The following CTNND2 variants were observed in gnomAD, a reference collection of about 807,000 sequenced individuals.
The protein encoded by CTNND2 is catenin delta-2.
A neutral mutation model predicts 144.4 loss-of-function variants in CTNND2; 22 were observed. The ratio of observed to expected loss-of-function variants is 0.15; its 90% confidence interval spans 0.11 to 0.22. The LOEUF (loss-of-function observed/expected upper bound fraction) is 0.22. Ranked by LOEUF, CTNND2 falls within the 10% of genes least tolerant of loss-of-function variation. The pLI, the probability that CTNND2 is intolerant of heterozygous loss-of-function variation, is 1.00. For missense variants in CTNND2, 1,353 were observed against 1,618.8 expected (o/e 0.84, Z 2.82); for synonymous variants, 751 against 695.6 (o/e 1.08, Z -1.25).
chr5:11,574,564 T>C (rs1216464616), intron 2 of CTNND2, among the ~76,000 whole-genome samples: 1 of 152,216 alleles, frequency 6.6e-6, no homozygotes, highest in Non-Finnish European at 1.5e-5. Context: ...CACTCTCTTT[T>C]ATTTTAGTTT....
chr5:11,677,851 T>C (rs551640453), intron 2 of CTNND2, among the ~76,000 whole-genome samples: 5 of 152,140 alleles, frequency 3.3e-5, no homozygotes, highest in Non-Finnish European at 5.9e-5. Flanking sequence ...GGTCCAGAAT[T>C]TGTGGCAAAG....
chr5:11,766,835 C>T (rs770891543), intron 1 of CTNND2, among the ~76,000 whole-genome samples: 20 of 152,146 alleles, frequency 1.3e-4, no homozygotes, highest in Non-Finnish European at 2.2e-4. Flanking sequence ...CATAAAATTT[C>T]AAACCTACCT....
intron 12 of CTNND2, among the ~76,000 whole-genome samples, chr5:11,129,886 T>C (rs1223214255): frequency 6.6e-6 from 1 of 152,144 alleles, no homozygotes; most frequent in Non-Finnish European, 1.5e-5. Flanking sequence ...CACACCTCCA[T>C]AAACTTTTAT....
chr5:11,794,207 G>A (rs1339663602), intron 1 of CTNND2, among the ~76,000 whole-genome samples: 2 of 152,192 alleles, frequency 1.3e-5, no homozygotes, highest in East Asian at 3.9e-4. Context: ...TTCTGGAAGA[G>A]GGATGAGTAA....
chr5:11,530,852 C>G (rs1050390100), intron 3 of CTNND2, among the ~76,000 whole-genome samples: 3 of 152,186 alleles, frequency 2.0e-5, no homozygotes, highest in African/African-American at 7.2e-5. Flanking sequence ...ATTATGAACT[C>G]TTGACTGGGG....
At chr5:11,752,981 G>C (rs577887298) in intron 1 of CTNND2, among the ~76,000 whole-genome samples, 23 of 151,574 alleles carry the variant, frequency 1.5e-4, no homozygotes, top group Non-Finnish European at 3.2e-4. Context: ...CCTCAGCTTG[G>C]ACACTGTTGA....
intron 2 of CTNND2, among the ~76,000 whole-genome samples, chr5:11,647,880 A>T (rs1046036538): frequency 4.6e-5 from 7 of 152,164 alleles, no homozygotes; most frequent in African/African-American, 1.7e-4. Flanking sequence ...GTTTCCTTAG[A>T]AATCCAGGTT....
At chr5:11,381,997 C>CAAAAT (rs534417905) in intron 7 of CTNND2, among the ~76,000 whole-genome samples, 1 of 151,462 alleles carries the variant, frequency 6.6e-6, no homozygotes, top group African/African-American at 2.4e-5. Context: ...CAAAACAAAA[C>CAAAAT]AAAACAAAAC....
In CTNND2 at chr5:10,981,768, T is replaced by C; in HGVS notation, c.3417+5A>G. On this transcript the variant is annotated splice_donor_5th_base_variant and intron_variant, in intron 21 of 21. Coordinates refer to ENST00000304623, the MANE Select transcript of CTNND2 (RefSeq NM_001332.4). ...GGAAATACAAACGTGTTGCATTTACTTTACCTGGTTGTGTTTGATGTCTTC... is the reference window on the plus strand; with the variant it reads ...GGAAATACAAACGTGTTGCATTTACCTTACCTGGTTGTGTTTGATGTCTTC... 3 of 1,606,480 alleles carry C rather than the reference T, an allele frequency of 1.9e-6. No homozygotes were observed. The highest frequency in any genetic ancestry group is 2.6e-6 in the Non-Finnish European group (3 of 1,175,432).
intron 3 of CTNND2, among the ~76,000 whole-genome samples, chr5:11,449,161 G>T (rs1263663323): frequency 6.6e-6 from 1 of 152,088 alleles, no homozygotes; most frequent in African/African-American, 2.4e-5. Flanking sequence ...TGCTAATTAT[G>T]AGGTCATATA....
intron 9 of CTNND2, among the ~76,000 whole-genome samples, chr5:11,310,532 C>T (rs1304067389): frequency 1.3e-5 from 2 of 151,986 alleles, no homozygotes; most frequent in African/African-American, 4.8e-5. Context: ...CTTCCTGCAA[C>T]TCAGCTCTGA....
At chr5:11,196,376 A>G (rs1736857097) in intron 11 of CTNND2, among the ~76,000 whole-genome samples, 1 of 152,146 alleles carries the variant, frequency 6.6e-6, no homozygotes, top group African/African-American at 2.4e-5. Context: ...TTTGTTCAAC[A>G]TTTGCTCTCA....
intron 7 of CTNND2, among the ~76,000 whole-genome samples, chr5:11,369,516 A>G (rs1037333110): frequency 6.6e-6 from 1 of 152,230 alleles, no homozygotes; most frequent in Non-Finnish European, 1.5e-5. Context: ...AACGATTTGT[A>G]ACTAAATTTC....
chr5:11,370,890 C>A (rs1335412374), intron 7 of CTNND2, among the ~76,000 whole-genome samples: 1 of 152,154 alleles, frequency 6.6e-6, no homozygotes, highest in Non-Finnish European at 1.5e-5. Flanking sequence ...AGATAAAGTG[C>A]TGTTGTATGG....
In CTNND2 at chr5:11,461,952, T is replaced by C. The variant is rs59161692; in HGVS notation, c.288-49883A>G. 2.3e-3 allele frequency among the ~76,000 whole-genome samples: 350 copies of C among 152,240 alleles called. 1 individual carries two copies. Among genetic ancestry groups the C allele is most frequent in the African/African-American group, 8.3e-3 (345 of 41,518 alleles). On this transcript the variant is annotated intron_variant, in intron 3 of 21. Coordinates refer to ENST00000304623, the MANE Select transcript of CTNND2 (RefSeq NM_001332.4). ...AGATTTTAGGTGGTACTGGATAACC[T>C]AGGTTATATTGAGTCTTAGGGTCTG...
At position 10,974,461 on chromosome 5, in the gene CTNND2, C is replaced by T. The variant is rs184638961; in HGVS notation, c.3418-748G>A. Among the ~76,000 whole-genome samples, 396 of 152,268 alleles carry T rather than the reference C, an allele frequency of 2.6e-3. 1 individual carries two copies. Among genetic ancestry groups the T allele is most frequent in the Admixed American group, 4.3e-3 (65 of 15,282 alleles). The stretch of plus-strand genomic sequence containing the variant: ...ATTTATCCATTCATCCATTGATGGA[C>T]GCTTGGGTTATTTTTACCTTTTAGC... On this transcript the variant is annotated intron_variant, in intron 21 of 21. Coordinates refer to ENST00000304623, the MANE Select transcript of CTNND2 (RefSeq NM_001332.4).
At chr5:11,008,254 A>G (rs569443504) in intron 18 of CTNND2, among the ~76,000 whole-genome samples, 69 of 152,314 alleles carry the variant, frequency 4.5e-4, no homozygotes, top group African/African-American at 1.6e-3. Flanking sequence ...TAAATGGCCA[A>G]AGGAACTTTG....
chr5:11,508,651 C>T (rs1235703140), intron 3 of CTNND2, among the ~76,000 whole-genome samples: 1 of 152,176 alleles, frequency 6.6e-6, no homozygotes, highest in Non-Finnish European at 1.5e-5. Context: ...GTGGTTCACA[C>T]CTGTAATCCC....
chr5:11,106,601 G>A (rs530897150), intron 14 of CTNND2, among the ~76,000 whole-genome samples: 2 of 152,242 alleles, frequency 1.3e-5, no homozygotes, highest in African/African-American at 4.8e-5. Flanking sequence ...ATGAATACAA[G>A]TTGGGTTTTT....
Sources: allele counts gnomAD v4.1 joint callset (sites outside exome capture counted in the v4.1 genomes callset), GRCh38; gene constraint gnomAD v4.1.1; transcripts MANE v1.5; gene names NCBI Gene and HGNC (gene_info 2026-07-23, HGNC 2026-07-21).